Variants in CHD6 observed in about 807,000 individuals in gnomAD.
The protein encoded by CHD6 is ATP-dependent chromatin remodeler CHD6.
Under a neutral mutation model 276.9 loss-of-function variants are expected in CHD6, and 50 were observed. That is an observed-to-expected ratio of 0.18 (90% confidence interval 0.14 to 0.23). CHD6 has a LOEUF of 0.23. CHD6 is among the 10% of genes least tolerant of loss of function. The pLI is 1.00. For missense variants in CHD6, 2,564 were observed against 3,365.8 expected (o/e 0.76, Z 5.89); for synonymous variants, 1,173 against 1,229.3 (o/e 0.95, Z 0.96).
chr20:41,438,539 G>A (rs1267680222), intron 26 of CHD6, among the ~76,000 whole-genome samples: 1 of 152,034 alleles, frequency 6.6e-6, no homozygotes, highest in Non-Finnish European at 1.5e-5. Flanking sequence ...GCAATGAGCC[G>A]AGATCATTCC....
intron 31 of CHD6, 116 bp downstream of exon 31, chr20:41,420,392 A>T: frequency 9.0e-7 from 1 of 1,113,570 alleles, no homozygotes; most frequent in Non-Finnish European, 1.3e-6. Context: ...TGGTGAGGGT[A>T]GGCAGGTCTG....
At chr20:41,517,132 T>C (rs1290676453) in intron 3 of CHD6, among the ~76,000 whole-genome samples, 1 of 152,128 alleles carries the variant, frequency 6.6e-6, no homozygotes, top group African/African-American at 2.4e-5. Context: ...CTTGCCTACC[T>C]ACCAGGAAAG....
At chr20:41,512,134 A>AT (rs11429306) in intron 5 of CHD6, among the ~76,000 whole-genome samples, 52,436 of 147,730 alleles carry the variant, frequency 0.35, 11,865 homozygotes, top group African/African-American at 0.63. Flanking sequence ...TGCCCAGCTA[A>AT]TTTTTTTTTT....
At position 41,452,092 on chromosome 20, in the gene CHD6, C is replaced by G; in HGVS notation, c.3324-67G>C. 1 of 1,214,306 alleles carries G rather than the reference C, an allele frequency of 8.2e-7. No individual in the cohort carries two copies. Among genetic ancestry groups the G allele is most frequent in the Middle Eastern group, 2.0e-4 (1 of 5,008 alleles). 75.2% of individuals were successfully genotyped at this position (1,214,306 alleles called of 1,614,324 possible). A position where few individuals can be genotyped will look rare whatever the true frequency, so the allele number is the denominator to read the frequency against. On this transcript the variant is annotated intron_variant, in intron 21 of 36. Transcript: ENST00000373233. This position sits in a 1 kb window ranked among gnomAD's most constrained non-coding sequence, Gnocchi z 4.2. ...CCAGGCCATGCAGGCAGCCTCCCCA[C>G]AGGAGGAGAAACAAGAGCCATACAT...
chr20:41,464,903 A>G (rs2042885069), intron 17 of CHD6, among the ~76,000 whole-genome samples: 1 of 152,244 alleles, frequency 6.6e-6, no homozygotes, highest in Admixed American at 6.5e-5. Flanking sequence ...ACAGAAGCCA[A>G]TGTAAAGGAG....
intron 1 of CHD6, among the ~76,000 whole-genome samples, chr20:41,571,473 C>A (rs958461444): frequency 6.7e-6 from 1 of 150,106 alleles, no homozygotes; most frequent in African/African-American, 2.5e-5. Context: ...GCTCACTGCA[C>A]CCTCCACCTC....
At chr20:41,587,405 A>G (rs2045607322) in intron 1 of CHD6, among the ~76,000 whole-genome samples, 1 of 152,246 alleles carries the variant, frequency 6.6e-6, no homozygotes, top group South Asian at 2.1e-4. Flanking sequence ...TGATAAGAGA[A>G]TAAGTCAGCT....
chr20:41,529,861 T>C (rs534744348), intron 3 of CHD6, among the ~76,000 whole-genome samples: 4 of 152,182 alleles, frequency 2.6e-5, no homozygotes, highest in African/African-American at 9.6e-5. Flanking sequence ...ATCAGAAGAT[T>C]CTAAGCGGTT....
chr20:41,477,797 G>A (rs531422664), intron 16 of CHD6, among the ~76,000 whole-genome samples: 1 of 152,256 alleles, frequency 6.6e-6, no homozygotes, highest in South Asian at 2.1e-4. Context: ...AGGTATCCCC[G>A]AAAGCAGGGA....
intron 8 of CHD6, among the ~76,000 whole-genome samples, chr20:41,494,574 T>C (rs2043635256): frequency 6.6e-6 from 1 of 152,186 alleles, no homozygotes; most frequent in African/African-American, 2.4e-5. Flanking sequence ...GTACTATAAT[T>C]ACCTTACAGA....
Position 41,425,484 on chromosome 20 carries a change from T to A in CHD6, c.4130-90A>T, listed in dbSNP as rs994957595. ...GGTTTTGTTTAAATAAAAACAAAGC[T>A]GACTCAATAATTTACTCAAAGTAGT... On this transcript the variant is annotated intron_variant, in intron 28 of 36. Coordinates refer to ENST00000373233, the MANE Select transcript of CHD6 (RefSeq NM_032221.5). 6 of 1,267,500 alleles carry A rather than the reference T, an allele frequency of 4.7e-6. No individual in the cohort carries two copies. In the East Asian group the frequency reaches 1.5e-4, roughly 32 times the overall value. The allele number at this position is 1,267,500 out of a possible 1,614,324, so 78.5% of individuals were successfully genotyped here. A position where few individuals can be genotyped will look rare whatever the true frequency, so the allele number is the denominator to read the frequency against.
At position 41,403,930 on chromosome 20, in the gene CHD6, TAGTC is replaced by T; in HGVS notation, c.*659_*662del. 1 of 1,054,094 alleles carries T rather than the reference TAGTC, an allele frequency of 9.5e-7. No individual in the cohort carries two copies. The highest frequency in any genetic ancestry group is 5.3e-5 in the East Asian group (1 of 18,726). 65.3% of individuals were successfully genotyped at this position (1,054,094 alleles called of 1,614,324 possible). On this transcript the variant is annotated 3_prime_UTR_variant, in exon 37 of 37. Transcript: ENST00000373233. ...AGAGGGATGTATAGAAAATAATGCCTAGTCAGTCAGTATTTCTTCTTGCTGCAGG... is the reference window on the plus strand; with the variant it reads ...AGAGGGATGTATAGAAAATAATGCCTAGTCAGTATTTCTTCTTGCTGCAGG...
At chr20:41,586,776 A>C (rs2045599789) in intron 1 of CHD6, among the ~76,000 whole-genome samples, 1 of 152,238 alleles carries the variant, frequency 6.6e-6, no homozygotes, top group African/African-American at 2.4e-5. Flanking sequence ...ACAAAATTCA[A>C]AATCCATTTA....
intron 1 of CHD6, among the ~76,000 whole-genome samples, chr20:41,565,959 T>C (rs1001387810): frequency 2.6e-5 from 4 of 152,176 alleles, no homozygotes; most frequent in African/African-American, 9.7e-5. Context: ...ATGATATTAG[T>C]ACCATTAAGA....
At chr20:41,607,381 T>TTC (rs1308293881) in intron 1 of CHD6, among the ~76,000 whole-genome samples, 2 of 152,222 alleles carry the variant, frequency 1.3e-5, no homozygotes, top group Middle Eastern at 3.2e-3. Context: ...CAGTTTACCT[T>TTC]TCTGTCTCTT....
In CHD6 at chr20:41,452,958, A is replaced by C; in HGVS notation, c.3121-16T>G. 6.2e-7 allele frequency: 1 copy of C among 1,605,382 alleles called. No individual in the cohort carries two copies. The highest frequency in any genetic ancestry group is 2.2e-5 in the East Asian group (1 of 44,776). ...CTAAGCTTTCCTAGAAATGGAGAGG[A>C]CTACTGGGAAGAAAGTCCTCTTTTC... On this transcript the variant is annotated splice_polypyrimidine_tract_variant and intron_variant, in intron 20 of 36. Coordinates refer to ENST00000373233, the MANE Select transcript of CHD6 (RefSeq NM_032221.5). This position sits in a 1 kb window ranked among gnomAD's most constrained non-coding sequence, Gnocchi z 4.2.
chr20:41,465,746 AT>A (rs1316372650), intron 17 of CHD6, among the ~76,000 whole-genome samples: 4 of 152,208 alleles, frequency 2.6e-5, no homozygotes, highest in Non-Finnish European at 4.4e-5. Context: ...ATTCTACATA[AT>A]TTTTGCAACT....
intron 1 of CHD6, among the ~76,000 whole-genome samples, chr20:41,579,437 C>CTAAAAAAAAAAAA: frequency 1.4e-5 from 1 of 69,976 alleles, no homozygotes; most frequent in East Asian, 4.3e-4. Context: ...GACTCTGTCT[C>CTAAAAAAAAAAAA]AAAAAAAAAA....
At chr20:41,579,484 A>G (rs1318319344) in intron 1 of CHD6, among the ~76,000 whole-genome samples, 1 of 151,822 alleles carries the variant, frequency 6.6e-6, no homozygotes, top group East Asian at 1.9e-4. Flanking sequence ...AACAAGAGAC[A>G]GGAACTCATA....
Sources: gnomAD v4.1 joint callset for allele counts (sites outside exome capture counted in the v4.1 genomes callset) on GRCh38, gnomAD v4.1.1 for gene constraint, Gnocchi (gnomAD v3.1) non-coding constraint, MANE v1.5 for transcripts, NCBI Gene and HGNC (gene_info 2026-07-23, HGNC 2026-07-21) for gene names.